Variants in CR1 observed in about 807,000 individuals in gnomAD.
The protein encoded by CR1 is complement C3b/C4b receptor 1 (Knops blood group).
A neutral mutation model predicts 187.3 loss-of-function variants in CR1; 116 were observed. The ratio of observed to expected loss-of-function variants is 0.62; its 90% confidence interval spans 0.53 to 0.72. The LOEUF is 0.72. Ranked by LOEUF, CR1 falls within the 30% of genes least tolerant of loss-of-function variation. The probability of loss-of-function intolerance (pLI) is 0.00; values close to 1 mark genes in which losing one functional copy is unlikely to be tolerated. For missense variants in CR1, 1,731 were observed against 2,110.7 expected, an observed-to-expected ratio of 0.82 and a Z score of 3.52; for synonymous variants, 576 against 747.1, an observed-to-expected ratio of 0.77 and a Z score of 3.73.
At chr1:207,631,651 G>C (rs1662649995) in intron 46 of CR1, among the ~76,000 whole-genome samples, 1 of 152,004 alleles carries the variant, frequency 6.6e-6, no homozygotes, top group Admixed American at 6.6e-5. Flanking sequence ...GTAAATACAG[G>C]CATTCAGACT....
chr1:207,587,256 G>T, intron 33 of CR1, 130 bp from the exon 34 acceptor site: 1 of 781,566 alleles, frequency 1.3e-6, no homozygotes, highest in Non-Finnish European at 2.0e-6. Context: ...TCAAGGAGAA[G>T]AAAATCTTTT....
chr1:207,575,955 G>A (rs538320041), intron 28 of CR1, among the ~76,000 whole-genome samples: 15 of 152,120 alleles, frequency 9.9e-5, no homozygotes, highest in African/African-American at 3.4e-4. Context: ...TGAGCACCTC[G>A]CAGTTTGAAG....
At chr1:207,602,322 C>G (rs1178634169) in intron 35 of CR1, among the ~76,000 whole-genome samples, 2 of 151,720 alleles carry the variant, frequency 1.3e-5, no homozygotes, top group Non-Finnish European at 2.9e-5. Context: ...CCAAAGATTA[C>G]AAATGAAAAT....
At chr1:207,634,654 C>T (rs1662756772) in intron 46 of CR1, among the ~76,000 whole-genome samples, 1 of 152,022 alleles carries the variant, frequency 6.6e-6, no homozygotes, top group Non-Finnish European at 1.5e-5. Context: ...GAGGGGTGTC[C>T]CTTGGTGGAA....
intron 33 of CR1, among the ~76,000 whole-genome samples, chr1:207,586,473 A>G (rs978551987): frequency 3.3e-5 from 5 of 152,238 alleles, no homozygotes; most frequent in Admixed American, 1.3e-4. Flanking sequence ...GTTTAGCATC[A>G]GAAGAAAAAC....
chr1:207,580,137 A>C, intron 29 of CR1, 103 bp from the exon 30 acceptor site: 2 of 1,505,210 alleles, frequency 1.3e-6, no homozygotes, highest in Non-Finnish European at 1.8e-6. Flanking sequence ...TGCTAGGGAG[A>C]ATTGGGTTCT....
At chr1:207,586,913 T>A (rs1661127691) in intron 33 of CR1, among the ~76,000 whole-genome samples, 1 of 152,184 alleles carries the variant, frequency 6.6e-6, no homozygotes, top group Non-Finnish European at 1.5e-5. Context: ...TAGAGATATC[T>A]TTTGGGAGAA....
In CR1 at chr1:207,623,911, C is replaced by CTTTTT. The variant is rs71154830; in HGVS notation, c.7352+871_7352+875dup. On this transcript the variant is annotated intron_variant, in intron 45 of 46. Transcript: ENST00000367049. ...ACAAATATTTTGTAAACACCATTAA[C>CTTTTT]TTTTTTTTTTTTTTTTTTTTTTTTT... 3.6e-4 allele frequency among the ~76,000 whole-genome samples: 19 copies of CTTTTT among 52,472 alleles called. 2 individuals carry two copies. In the East Asian group the frequency reaches 4.1e-3, roughly 11 times the overall value. 34.4% of individuals were successfully genotyped at this position (52,472 alleles called of 152,430 possible). A position where few individuals can be genotyped will look rare whatever the true frequency, so the allele number is the denominator to read the frequency against.
rs1437631517 is a variant in CR1 at position 207,511,752 on chromosome 1, TCCTTCAC to T, written c.487+99_487+105del. On this transcript the variant is annotated intron_variant, in intron 4 of 46. Coordinates refer to ENST00000367049, the MANE Select transcript of CR1 (RefSeq NM_000651.6). ...AACTGAATTCCTTCTGTGCAATCTGTCCTTCACACGGCTGAAGACTGCGGTAATGTTC... is the reference window on the plus strand; with the variant it reads ...AACTGAATTCCTTCTGTGCAATCTGTACGGCTGAAGACTGCGGTAATGTTC... 3 of 1,188,274 alleles carry T rather than the reference TCCTTCAC, an allele frequency of 2.5e-6. No individual in the cohort carries two copies. In the African/African-American group the frequency reaches 4.5e-5, roughly 18 times the overall value. 73.6% of individuals were successfully genotyped at this position (1,188,274 alleles called of 1,614,324 possible).
At chr1:207,626,115 C>A (rs554599330) in intron 45 of CR1, among the ~76,000 whole-genome samples, 2 of 152,174 alleles carry the variant, frequency 1.3e-5, no homozygotes, top group South Asian at 4.2e-4. Flanking sequence ...TGGCCTACAC[C>A]CAGGAATGAG....
At chr1:207,620,476 G>GT (rs1423207879) in intron 43 of CR1, among the ~76,000 whole-genome samples, 1 of 152,164 alleles carries the variant, frequency 6.6e-6, no homozygotes, top group African/African-American at 2.4e-5. Flanking sequence ...TAGAAATTAC[G>GT]TATCATTGAG....
rs150619703 is a variant in CR1 at position 207,612,018 on chromosome 1, G to T, written c.6552G>T (p.Lys2184Asn). 1.9e-6 allele frequency: 3 copies of T among 1,613,894 alleles called. No individual in the cohort carries two copies. The highest frequency in any genetic ancestry group is 1.3e-5 in the African/African-American group (1 of 74,926). ...CACTTAATCTCCAGCTTGGGGCAAAGGTGTCCTTTGTTTGCGATGAAGGGT... is the reference window on the plus strand; with the variant it reads ...CACTTAATCTCCAGCTTGGGGCAAATGTGTCCTTTGTTTGCGATGAAGGGT... Reference protein sequence around the residue: ...LLPLNLQLGAKVSFVCDEGFR... With the variant: ...LLPLNLQLGANVSFVCDEGFR... Residue 2184 changes from lysine (K) to asparagine (N), a missense_variant, in exon 39 of 47, where the codon AAG (lysine) becomes AAT (asparagine). Around this residue, in one of 5 missense-constraint regions of CR1, gnomAD observed 1,312 missense variants for 1,379.6 expected, o/e 0.95. Coordinates refer to ENST00000367049, the MANE Select transcript of CR1 (RefSeq NM_000651.6).
intron 4 of CR1, among the ~76,000 whole-genome samples, chr1:207,521,624 C>CTTTTTT (rs139203101): frequency 3.4e-5 from 3 of 88,306 alleles, no homozygotes; most frequent in Non-Finnish European, 6.4e-5. Context: ...TGCCCTCTTC[C>CTTTTTT]TTTTTTTTTT....
intron 23 of CR1, among the ~76,000 whole-genome samples, chr1:207,564,540 G>T (rs543730184): frequency 6.7e-6 from 1 of 150,330 alleles, no homozygotes; most frequent in South Asian, 2.1e-4. Flanking sequence ...TGGCTCACGT[G>T]TGTAATCCCA....
rs1352148719 is a variant in CR1 at position 207,592,674 on chromosome 1, A to AT, written c.5810+3901dup. 7.9e-5 allele frequency among the ~76,000 whole-genome samples: 12 copies of AT among 152,310 alleles called. No individual in the cohort carries two copies. In the East Asian group the frequency reaches 2.3e-3, roughly 29 times the overall value. On this transcript the variant is annotated intron_variant, in intron 35 of 46. Transcript: ENST00000367049. ...CAAATTGTCTCTGTTTGCATATGACATGACTGTATATTTAGAAAACCCCAT... is the reference window on the plus strand; with the variant it reads ...CAAATTGTCTCTGTTTGCATATGACATTGACTGTATATTTAGAAAACCCCAT...
chr1:207,611,767 G>C lies in CR1; in HGVS notation c.6386G>C (p.Cys2129Ser), dbSNP rs759061317. The change falls in exon 38 of 47, where the codon TGT becomes TCT. Residue 2129 changes from cysteine (C) to serine (S), a missense_variant. Cys to Ser is a moderately radical substitution (Grantham distance 112). Transcript: ENST00000367049. ...FSPGQEVFYS[C>S]EPSYDLRGAA... ...CCTGGGCAGGAAGTGTTCTACAGCT[G>C]TGAGCCCAGCTATGACCTCAGAGGG... The C allele has an allele frequency of 1.2e-6, 2 of 1,613,964 alleles. No individual in the cohort carries two copies. The highest frequency in any genetic ancestry group is 2.2e-5 in the East Asian group (1 of 44,872).
chr1:207,622,064 A>C, intron 44 of CR1, 68 bp downstream of exon 44: 1 of 1,272,218 alleles, frequency 7.9e-7, no homozygotes, highest in Non-Finnish European at 1.1e-6. Flanking sequence ...CCTATAATGA[A>C]TGAAATGTAA....
chr1:207,524,428 C>T (rs539741107), intron 5 of CR1, among the ~76,000 whole-genome samples: 5 of 152,140 alleles, frequency 3.3e-5, no homozygotes, highest in African/African-American at 9.7e-5. Flanking sequence ...CTGTCACTCA[C>T]GTTGAACTGC....
intron 45 of CR1, among the ~76,000 whole-genome samples, chr1:207,627,050 T>C (rs1431767891): frequency 1.3e-5 from 2 of 151,760 alleles, no homozygotes; most frequent in South Asian, 4.2e-4. Context: ...AAAACATAAA[T>C]AAATAAATTA....
Sources: gnomAD v4.1 joint callset for allele counts (sites outside exome capture counted in the v4.1 genomes callset) on GRCh38, gnomAD v4.1.1 for gene constraint, gnomAD v4.1.1 regional missense constraint, MANE v1.5 for transcripts, NCBI Gene and HGNC (gene_info 2026-07-23, HGNC 2026-07-21) for gene names.